RPS6KA2: variants seen among roughly 807,000 people sequenced by gnomAD.
RPS6KA2 encodes the protein ribosomal protein S6 kinase A2.
Under a neutral mutation model 91.8 loss-of-function variants are expected in RPS6KA2, and 42 were observed. The ratio of observed to expected loss-of-function variants is 0.46; its 90% CI spans 0.36 to 0.59. The LOEUF is 0.59. Ranked by LOEUF, RPS6KA2 falls within the 20% of genes least tolerant of loss-of-function variation. RPS6KA2 has a pLI of 0.00. For missense variants in RPS6KA2, 798 were observed against 978.5 expected, an observed-to-expected ratio of 0.82 and a Z score of 2.46; for synonymous variants, 414 against 393.6, an observed-to-expected ratio of 1.05 and a Z score of -0.61.
intron 3 of RPS6KA2, among the ~76,000 whole-genome samples, chr6:166,514,818 TA>T (rs947099554): frequency 8.6e-5 from 13 of 151,862 alleles, no homozygotes; most frequent in African/African-American, 3.1e-4. Context: ...CTGCTGAGAA[TA>T]AAAAGAAGGG....
intron 2 of RPS6KA2, among the ~76,000 whole-genome samples, chr6:166,664,111 A>T (rs1788247953): frequency 6.6e-6 from 1 of 152,256 alleles, no homozygotes; most frequent in Non-Finnish European, 1.5e-5. Flanking sequence ...TGCACATTGC[A>T]CATAGGATAG....
At chr6:166,620,454 G>A (rs1187975514) in intron 1 of RPS6KA2, among the ~76,000 whole-genome samples, 1 of 152,144 alleles carries the variant, frequency 6.6e-6, no homozygotes, top group Non-Finnish European at 1.5e-5. Context: ...AAACAAGTCT[G>A]TTTTCCAAGA....
rs532693718 is a variant in RPS6KA2, at chr6:166,682,205, T to A, written c.124-143421A>T. ...ATGTACCAGCTTTCTCCTTTTCTTC[T>A]TCATTAATGAATTGAGGAACATAAA... On this transcript the variant is annotated intron_variant, in intron 2 of 21. Transcript: ENST00000503859. Among the ~76,000 whole-genome samples the A allele has an allele frequency of 1.7e-3, 255 of 152,348 alleles. 1 individual carries two copies. The highest frequency in any genetic ancestry group is 2.6e-3 in the Non-Finnish European group (178 of 68,036).
In RPS6KA2 at chr6:166,410,182, G is replaced by C. The variant is rs1279437622; in HGVS notation, c.*2580C>G. 1 of 151,812 alleles carries C rather than the reference G, an allele frequency of 6.6e-6. No homozygotes were observed. The highest frequency in any genetic ancestry group is 2.4e-5 in the African/African-American group (1 of 41,304). The allele number at this position is 151,812 out of a possible 1,614,324, so 9.4% of individuals were successfully genotyped here. A position where few individuals can be genotyped will look rare whatever the true frequency, so the allele number is the denominator to read the frequency against. On this transcript the variant is annotated 3_prime_UTR_variant, in exon 21 of 21. Transcript: ENST00000265678. Reference sequence around the variant, plus strand: ...GTGATTTTCATGACCCGGGGGTGGGGGGTTGGGTTATGATGAACTGTGTGA... The same window carrying C: ...GTGATTTTCATGACCCGGGGGTGGGCGGTTGGGTTATGATGAACTGTGTGA...
intron 2 of RPS6KA2, among the ~76,000 whole-genome samples, chr6:166,833,866 T>G (rs1269998365): frequency 1.3e-5 from 2 of 152,194 alleles, no homozygotes; most frequent in African/African-American, 2.4e-5. Flanking sequence ...TTATTCCTTT[T>G]GCATAAATTC....
intron 1 of RPS6KA2, among the ~76,000 whole-genome samples, chr6:166,541,033 G>A (rs1783636818): frequency 6.6e-6 from 1 of 152,112 alleles, no homozygotes; most frequent in Non-Finnish European, 1.5e-5. Flanking sequence ...CCTCGCAATG[G>A]GTCCATTAAC....
chr6:166,837,670 G>A (rs968174370), intron 2 of RPS6KA2, among the ~76,000 whole-genome samples: 1 of 152,156 alleles, frequency 6.6e-6, no homozygotes, highest in Non-Finnish European at 1.5e-5. Context: ...CTGTGGGGGT[G>A]GCTGTGTCTT....
intron 2 of RPS6KA2, among the ~76,000 whole-genome samples, chr6:166,791,376 T>A (rs11751273): frequency 0.13 from 19,570 of 150,944 alleles, 1,342 homozygotes; most frequent in Middle Eastern, 0.17. Context: ...AAGTCCTGAG[T>A]GACCTACAAA....
chr6:166,516,846 TG>T (rs1225632078), intron 3 of RPS6KA2, among the ~76,000 whole-genome samples: 1 of 152,216 alleles, frequency 6.6e-6, no homozygotes, highest in Non-Finnish European at 1.5e-5. Flanking sequence ...TGAAGCAGCA[TG>T]GCAGAGAAAA....
chr6:166,442,349 G>A (rs1779544982), intron 14 of RPS6KA2, among the ~76,000 whole-genome samples: 1 of 152,214 alleles, frequency 6.6e-6, no homozygotes, highest in African/African-American at 2.4e-5. Context: ...CAGGGGTCGA[G>A]AGTGTGCACT....
At position 166,445,432 on chromosome 6, in the gene RPS6KA2, G is replaced by T. The variant is rs4709113; in HGVS notation, c.1332+3292C>A. 4.6e-5 allele frequency among the ~76,000 whole-genome samples: 7 copies of T among 152,174 alleles called. No homozygotes were observed. In the East Asian group the frequency reaches 1.4e-3, roughly 29 times the overall value. Reference sequence around the variant, plus strand: ...CTGAGGCTGGGCTTCTCAACCTTTCGTTGGGGCAGCAGGTTGTGGGGGCTG... The same window carrying T: ...CTGAGGCTGGGCTTCTCAACCTTTCTTTGGGGCAGCAGGTTGTGGGGGCTG... On this transcript the variant is annotated intron_variant, in intron 14 of 20. Transcript: ENST00000265678. This position sits in a 1 kb window ranked among gnomAD's most constrained non-coding sequence, Gnocchi z 4.5.
rs1252178468 is a variant in RPS6KA2 at position 166,410,048 on chromosome 6, C to G, written c.*2714G>C. 1.3e-5 allele frequency: 2 copies of G among 152,108 alleles called. No homozygotes were observed. Among genetic ancestry groups the G allele is most frequent in the African/African-American group, 4.8e-5 (2 of 41,392 alleles). 9.4% of individuals were successfully genotyped at this position (152,108 alleles called of 1,614,324 possible). On this transcript the variant is annotated 3_prime_UTR_variant, in exon 21 of 21. Coordinates refer to ENST00000265678, the MANE Select transcript of RPS6KA2 (RefSeq NM_021135.6). ...GATTGGGAGAATCAGGTATTTCTCC[C>G]ACATGGGGGGCTGCCAGGGAAGGAG...
intron 1 of RPS6KA2, among the ~76,000 whole-genome samples, chr6:166,551,743 C>CCAGG (rs1784028747): frequency 6.6e-6 from 1 of 152,146 alleles, no homozygotes; most frequent in Non-Finnish European, 1.5e-5. Flanking sequence ...CACCAGCCCA[C>CCAGG]CAGGCACCTG....
intron 2 of RPS6KA2, among the ~76,000 whole-genome samples, chr6:166,855,985 G>A (rs969515311): frequency 2.0e-5 from 3 of 152,134 alleles, no homozygotes; most frequent in Non-Finnish European, 4.4e-5. Context: ...TTTTAAAGAG[G>A]TTGGTTACTT....
At chr6:166,462,826 T>C (rs1780368820) in intron 11 of RPS6KA2, among the ~76,000 whole-genome samples, 1 of 152,180 alleles carries the variant, frequency 6.6e-6, no homozygotes, top group African/African-American at 2.4e-5. Flanking sequence ...GAGGGAGGCA[T>C]GCGTGTGAGA....
At position 166,409,519 on chromosome 6, in the gene RPS6KA2, A is replaced by T. The variant is rs1324132901; in HGVS notation, c.*3243T>A. ...AGGAACATAAAAATGATGTGTAAAC[A>T]TAACTGCTGAGCCAGTGAACAAAGT... is the stretch of plus-strand genomic sequence containing the variant. On this transcript the variant is annotated 3_prime_UTR_variant, in exon 21 of 21. Transcript: ENST00000265678. 6.6e-6 allele frequency: 1 copy of T among 152,496 alleles called. No individual in the cohort carries two copies. Among genetic ancestry groups the T allele is most frequent in the Non-Finnish European group, 1.5e-5 (1 of 68,046 alleles). The allele number at this position is 152,496 out of a possible 1,614,324, so 9.4% of individuals were successfully genotyped here. A position where few individuals can be genotyped will look rare whatever the true frequency, so the allele number is the denominator to read the frequency against.
At chr6:166,431,918 G>A (rs961636263) in intron 15 of RPS6KA2, among the ~76,000 whole-genome samples, 4 of 152,092 alleles carry the variant, frequency 2.6e-5, no homozygotes, top group African/African-American at 7.2e-5. Flanking sequence ...GTGAGCCACC[G>A]CACCCGGCCT....
At chr6:166,752,942 AT>A (rs1382037859) in intron 2 of RPS6KA2, among the ~76,000 whole-genome samples, 1 of 152,140 alleles carries the variant, frequency 6.6e-6, no homozygotes, top group African/African-American at 2.4e-5. Context: ...CTGCACCTGG[AT>A]TTATTTGCTG....
chr6:166,834,904 G>A (rs1780281034), intron 2 of RPS6KA2, among the ~76,000 whole-genome samples: 1 of 151,660 alleles, frequency 6.6e-6, no homozygotes, highest in African/African-American at 2.4e-5. Flanking sequence ...GAAAACTTTT[G>A]CCTAAACCAG....
Sources: gnomAD v4.1 joint callset for allele counts (sites outside exome capture counted in the v4.1 genomes callset) on GRCh38, gnomAD v4.1.1 for gene constraint, Gnocchi (gnomAD v3.1) non-coding constraint, MANE v1.5 for transcripts, NCBI Gene and HGNC (gene_info 2026-07-23, HGNC 2026-07-21) for gene names.